AKAP3: variants seen among roughly 807,000 people sequenced by gnomAD.
The protein encoded by AKAP3 is A-kinase anchoring protein 3.
A neutral mutation model predicts 57.2 loss-of-function variants in AKAP3; 27 were observed. That is an observed-to-expected ratio of 0.47 (90% CI 0.35 to 0.65). The LOEUF (loss-of-function observed/expected upper bound fraction) is 0.65. AKAP3 is among the 30% of genes least tolerant of loss of function. AKAP3 has a pLI of 0.01. For synonymous variants in AKAP3, 334 were observed against 392.3 expected (o/e 0.85, Z 1.76); for missense variants, 959 against 1,040.0 (o/e 0.92, Z 1.07).
intron 4 of AKAP3, among the ~76,000 whole-genome samples, chr12:4,629,035 T>G (rs903395898): frequency 3.3e-5 from 5 of 152,252 alleles, no homozygotes; most frequent in African/African-American, 1.2e-4. Context: ...GATTTAGCTC[T>G]CTTATTATCT....
chr12:4,635,471 C>CA (rs34956936), intron 4 of AKAP3: 161,190 of 685,646 alleles, frequency 0.24, 23,283 homozygotes, highest in East Asian at 0.46. Context: ...TTGCCACGAA[C>CA]ATTTCATTTA....
chr12:4,639,269 T>A (rs1945605611), intron 3 of AKAP3, among the ~76,000 whole-genome samples: 1 of 152,200 alleles, frequency 6.6e-6, no homozygotes, highest in Non-Finnish European at 1.5e-5. Context: ...TCTTTTTCTA[T>A]GCCAGACTTC....
intron 4 of AKAP3, among the ~76,000 whole-genome samples, chr12:4,635,016 T>A (rs1298445995): frequency 2.0e-5 from 3 of 152,128 alleles, no homozygotes; most frequent in African/African-American, 7.2e-5. Context: ...ACTGCACCAG[T>A]GTGGAGAAAT....
chr12:4,637,776 CTG>C (rs1386644282), intron 4 of AKAP3, among the ~76,000 whole-genome samples: 1 of 152,036 alleles, frequency 6.6e-6, no homozygotes, highest in Non-Finnish European at 1.5e-5. Context: ...CAATTCCTCT[CTG>C]TTTGAAAATT....
At chr12:4,630,806 T>C (rs1185502403) in intron 4 of AKAP3, among the ~76,000 whole-genome samples, 1 of 152,210 alleles carries the variant, frequency 6.6e-6, no homozygotes, top group Non-Finnish European at 1.5e-5. Context: ...GTAGAGAAGG[T>C]CAGTTTGCCT....
chr12:4,628,250 A>C lies in AKAP3; in HGVS notation c.652T>G (p.Leu218Val), dbSNP rs1455828931. ...SPPNLKYKST[L>V]KIKESTKERQ... The stretch of plus-strand genomic sequence containing the variant: ...TCTTTGGTGCTCTCCTTGATCTTCA[A>C]AGTGGACTTGTATTTCAAATTTGGG... The change falls in exon 5 of 6, where the codon TTG becomes GTG. Residue 218 changes from leucine to valine, a missense_variant. Coordinates refer to ENST00000228850, the MANE Select transcript of AKAP3 (RefSeq NM_001278309.2). The C allele has an allele frequency of 6.2e-7, 1 of 1,614,032 alleles. No homozygotes were observed. Among genetic ancestry groups the C allele is most frequent in the Non-Finnish European group, 8.5e-7 (1 of 1,179,960 alleles).
chr12:4,646,447 G>A (rs1351723068), intron 1 of AKAP3, among the ~76,000 whole-genome samples: 2 of 152,050 alleles, frequency 1.3e-5, no homozygotes, highest in African/African-American at 2.4e-5. Flanking sequence ...GAGGCAGGCG[G>A]ATCACTAGAG....
In AKAP3 at chr12:4,649,013, G is replaced by A; in HGVS notation, c.-513C>T. On this transcript the variant is annotated 5_prime_UTR_variant, in exon 1 of 6. Coordinates refer to ENST00000228850, the MANE Select transcript of AKAP3 (RefSeq NM_001278309.2). ...TTTCTTCTTAACCAACAATCTACCC[G>A]AAACCGTCGTTTCTTGGTTAGCGCT... The A allele has an allele frequency of 2.4e-6, 3 of 1,239,390 alleles. No individual in the cohort carries two copies. The highest frequency in any genetic ancestry group is 2.7e-5 in the South Asian group (2 of 73,866). The allele number at this position is 1,239,390 out of a possible 1,614,324, so 76.8% of individuals were successfully genotyped here. A position where few individuals can be genotyped will look rare whatever the true frequency, so the allele number is the denominator to read the frequency against.
intron 5 of AKAP3, among the ~76,000 whole-genome samples, chr12:4,623,953 T>C (rs868633716): frequency 1.3e-5 from 2 of 151,876 alleles, no homozygotes; most frequent in African/African-American, 2.4e-5. Flanking sequence ...AATAGGTGTG[T>C]TAATTGGTAC....
chr12:4,643,662 C>T (rs558385737), intron 2 of AKAP3, among the ~76,000 whole-genome samples: 49 of 152,270 alleles, frequency 3.2e-4, no homozygotes, highest in African/African-American at 1.2e-3. Context: ...AAGGATTGGA[C>T]TAAAATGTTT....
At chr12:4,629,427 A>G (rs895519904) in intron 4 of AKAP3, among the ~76,000 whole-genome samples, 1 of 152,206 alleles carries the variant, frequency 6.6e-6, no homozygotes, top group African/African-American at 2.4e-5. Flanking sequence ...GAGCTAAATG[A>G]TGAGAACACA....
chr12:4,635,585 G>C (rs1300750540), intron 4 of AKAP3: 1 of 719,352 alleles, frequency 1.4e-6, no homozygotes, highest in Non-Finnish European at 2.6e-6. Context: ...TGCTAGGTCA[G>C]CCTTGTTTCC....
chr12:4,628,235 T>A lies in AKAP3; in HGVS notation c.667A>T (p.Ser223Cys). ...KYKSTLKIKE[S>C]TKERQGPDDK... ...TCTGGACCCTGTCTTTCTTTGGTGC[T>A]CTCCTTGATCTTCAAAGTGGACTTG... The change falls in exon 5 of 6, where the codon AGC (serine) becomes TGC (cysteine). Residue 223 changes from serine to cysteine, a missense_variant. Coordinates refer to ENST00000228850, the MANE Select transcript of AKAP3 (RefSeq NM_001278309.2). 6.2e-7 allele frequency: 1 copy of A among 1,614,090 alleles called. No individual in the cohort carries two copies. The highest frequency in any genetic ancestry group is 1.1e-5 in the South Asian group (1 of 91,068).
chr12:4,624,808 A>AGG lies in AKAP3; in HGVS notation c.2406+1686_2406+1687dup, dbSNP rs1311178456. On this transcript the variant is annotated intron_variant, in intron 5 of 5. Coordinates refer to ENST00000228850, the MANE Select transcript of AKAP3 (RefSeq NM_001278309.2). ...CTGGCTTTATCTTTAGAGTAGACAA[A>AGG]GGTGTGTGTGTGTGTGTATATAAAA... 2.3e-3 allele frequency among the ~76,000 whole-genome samples: 15 copies of AGG among 6,520 alleles called. No individual in the cohort carries two copies. In the East Asian group the frequency reaches 0.12, roughly 51 times the overall value. 4.3% of individuals were successfully genotyped at this position (6,520 alleles called of 152,430 possible).
intron 4 of AKAP3, among the ~76,000 whole-genome samples, chr12:4,637,813 G>A (rs1024859943): frequency 6.6e-6 from 1 of 151,970 alleles, no homozygotes; most frequent in Admixed American, 6.6e-5. Flanking sequence ...GTAATATACA[G>A]CTGACATATA....
chr12:4,638,916 G>A (rs913601382), intron 3 of AKAP3, among the ~76,000 whole-genome samples: 1 of 152,126 alleles, frequency 6.6e-6, no homozygotes, highest in Non-Finnish European at 1.5e-5. Flanking sequence ...CTCAGTAATG[G>A]CACCACCATT....
intron 5 of AKAP3, among the ~76,000 whole-genome samples, chr12:4,617,774 T>A (rs1446890318): frequency 1.3e-5 from 2 of 151,412 alleles, no homozygotes; most frequent in African/African-American, 4.9e-5. Flanking sequence ...AAAAAGTGTT[T>A]TAAGGTTGAA....
intron 1 of AKAP3, among the ~76,000 whole-genome samples, chr12:4,646,389 C>T (rs561436098): frequency 5.3e-5 from 8 of 151,994 alleles, no homozygotes; most frequent in Non-Finnish European, 7.4e-5. Context: ...AGTTATTTAT[C>T]GCTGGGCACA....
intron 4 of AKAP3, among the ~76,000 whole-genome samples, chr12:4,636,649 T>C (rs921864282): frequency 6.6e-6 from 1 of 152,224 alleles, no homozygotes; most frequent in African/African-American, 2.4e-5. Context: ...GATTTGTTAA[T>C]ATTTTCTTTT....
Sources: allele counts gnomAD v4.1 joint callset (sites outside exome capture counted in the v4.1 genomes callset), GRCh38; gene constraint gnomAD v4.1.1; transcripts MANE v1.5; gene names NCBI Gene and HGNC (gene_info 2026-07-23, HGNC 2026-07-21).